The following ARMC8 variants were observed in gnomAD, a reference collection of about 807,000 sequenced individuals.
ARMC8 encodes armadillo repeat containing 8, also known as armadillo repeat-containing protein 8.
Under a neutral mutation model 99.3 loss-of-function variants are expected in ARMC8, and 20 were observed. The observed-to-expected ratio is 0.20, with a 90% CI of 0.14 to 0.29. ARMC8 has a LOEUF of 0.29. Ranked by LOEUF, ARMC8 falls within the 10% of genes least tolerant of loss-of-function variation. The pLI is 1.00. For synonymous variants in ARMC8, 263 were observed against 278.3 expected (o/e 0.95, Z 0.55); for missense variants, 569 against 809.5 (o/e 0.70, Z 3.60).
chr3:138,261,556 T>G (rs1333190936), intron 12 of ARMC8: 1 of 152,154 alleles, frequency 6.6e-6, no homozygotes, highest in East Asian at 1.9e-4. Flanking sequence ...CTGAGTTGGT[T>G]TTTAAGTCAC....
At chr3:138,274,897 C>T (rs907274858) in intron 18 of ARMC8, among the ~76,000 whole-genome samples, 4 of 152,118 alleles carry the variant, frequency 2.6e-5, no homozygotes, top group African/African-American at 4.8e-5. Flanking sequence ...CCCTCTCCGC[C>T]GCCATGCTCT....
intron 12 of ARMC8, chr3:138,246,499 A>T: frequency 1.0e-6 from 1 of 985,664 alleles, no homozygotes; most frequent in Non-Finnish European, 1.2e-6. Flanking sequence ...AGATTTGAAC[A>T]TTTTTAAAAA....
chr3:138,214,034 C>A (rs1159091952), intron 2 of ARMC8, among the ~76,000 whole-genome samples: 2 of 151,936 alleles, frequency 1.3e-5, no homozygotes, highest in African/African-American at 4.8e-5. Context: ...TGCCTGTAGT[C>A]CCCACTACTT....
intron 2 of ARMC8, among the ~76,000 whole-genome samples, chr3:138,213,957 TC>T (rs1184780329): frequency 2.0e-5 from 3 of 151,942 alleles, no homozygotes; most frequent in Non-Finnish European, 4.4e-5. Flanking sequence ...ACCCAGGAGT[TC>T]CAGCTTGGAC....
chr3:138,264,240 G>A, intron 14 of ARMC8, 28 bp downstream of exon 14: 1 of 1,585,950 alleles, frequency 6.3e-7, no homozygotes. Context: ...GCCAGTAACA[G>A]CTGTACTCAC....
intron 1 of ARMC8, among the ~76,000 whole-genome samples, chr3:138,190,933 G>A (rs1046145051): frequency 6.6e-6 from 1 of 152,160 alleles, no homozygotes; most frequent in Non-Finnish European, 1.5e-5. Context: ...TTCAAAACAT[G>A]TCATAGAGGA....
intron 1 of ARMC8, chr3:138,188,457 C>G: frequency 6.2e-7 from 1 of 1,609,118 alleles, no homozygotes; most frequent in Non-Finnish European, 8.5e-7. Flanking sequence ...TGAACCAGGA[C>G]CAGGAATGAA....
chr3:138,201,477 T>TTTTTTTTTC (rs1456840327), intron 1 of ARMC8, among the ~76,000 whole-genome samples: 1 of 101,926 alleles, frequency 9.8e-6, no homozygotes, highest in African/African-American at 4.0e-5. Flanking sequence ...TTTTTTTTTT[T>TTTTTTTTTC]CCTGAGACAG....
chr3:138,276,285 C>G (rs1259220639), intron 18 of ARMC8, among the ~76,000 whole-genome samples: 1 of 152,206 alleles, frequency 6.6e-6, no homozygotes, highest in Admixed American at 6.5e-5. Context: ...AATTGACATA[C>G]AATAAGCTGC....
At chr3:138,281,367 A>G (rs2049911401) in intron 18 of ARMC8, among the ~76,000 whole-genome samples, 1 of 150,390 alleles carries the variant, frequency 6.6e-6, no homozygotes, top group African/African-American at 2.5e-5. Context: ...ATATCGGCTC[A>G]CTGCAACCTT....
chr3:138,238,982 A>G (rs2046472073), intron 9 of ARMC8: 1 of 154,028 alleles, frequency 6.5e-6, no homozygotes, highest in South Asian at 2.0e-4. Flanking sequence ...ACCTCTGAAT[A>G]GTTCATTTCT....
chr3:138,223,499 T>A lies in ARMC8; in HGVS notation c.305T>A (p.Leu102Gln). 1 of 1,614,240 alleles carries A rather than the reference T, an allele frequency of 6.2e-7. No individual in the cohort carries two copies. The highest frequency in any genetic ancestry group is 8.5e-7 in the Non-Finnish European group (1 of 1,180,036). ...MGTENNVKSL[L>Q]DCHIIPALLQ... ...ACTGAAAACAATGTCAAGTCTCTAC[T>A]GGACTGCCATATTATCCCTGCCTTA... is the stretch of plus-strand genomic sequence containing the variant. Residue 102 changes from leucine to glutamine, a missense_variant, in exon 4 of 22, where the codon CTG becomes CAG. This residue lies in a region of ARMC8 where 342 missense variants were observed against 391.6 expected (regional missense o/e 0.87). Coordinates refer to ENST00000469044, the MANE Select transcript of ARMC8 (RefSeq NM_001363941.2).
chr3:138,232,890 C>T (rs1345077326), intron 6 of ARMC8, among the ~76,000 whole-genome samples: 1 of 152,132 alleles, frequency 6.6e-6, no homozygotes, highest in Non-Finnish European at 1.5e-5. Context: ...GAGGCAGCAC[C>T]CTGCCTACTT....
At chr3:138,243,760 T>G (rs2046745864) in intron 11 of ARMC8, among the ~76,000 whole-genome samples, 1 of 152,204 alleles carries the variant, frequency 6.6e-6, no homozygotes, top group Non-Finnish European at 1.5e-5. Context: ...AAAAGTCTCA[T>G]CATTGATCAA....
chr3:138,274,603 T>C (rs1281241808), intron 18 of ARMC8, 59 bp downstream of exon 18: 1 of 1,262,704 alleles, frequency 7.9e-7, no homozygotes, highest in Non-Finnish European at 1.2e-6. Flanking sequence ...AGGAAGTTCT[T>C]AAGAGTCTCC....
intron 12 of ARMC8, among the ~76,000 whole-genome samples, chr3:138,252,762 CA>C (rs2047203784): frequency 1.8e-5 from 1 of 56,000 alleles, no homozygotes; most frequent in African/African-American, 4.9e-5. Flanking sequence ...CCCCCCCCCC[CA>C]CCCGGCCTAA....
chr3:138,240,701 T>C (rs951945870), intron 10 of ARMC8, among the ~76,000 whole-genome samples: 2 of 152,238 alleles, frequency 1.3e-5, no homozygotes, highest in Admixed American at 1.3e-4. Flanking sequence ...GTAAAAGATA[T>C]AATAGGAACT....
At chr3:138,267,115 C>A in intron 14 of ARMC8, 40 bp from the exon 15 acceptor site, 2 of 1,017,500 alleles carry the variant, frequency 2.0e-6, no homozygotes, top group South Asian at 3.2e-5. Flanking sequence ...TCATCTTCAT[C>A]ATTCCAAATC....
chr3:138,263,143 A>T (rs552801138), intron 12 of ARMC8, among the ~76,000 whole-genome samples: 1 of 152,370 alleles, frequency 6.6e-6, no homozygotes, highest in South Asian at 2.1e-4. Flanking sequence ...TTTATTTTGT[A>T]TCTAGACATT....
Sources: allele counts gnomAD v4.1 joint callset (sites outside exome capture counted in the v4.1 genomes callset), GRCh38; gene constraint gnomAD v4.1.1; regional missense constraint gnomAD v4.1.1; transcripts MANE v1.5; gene names NCBI Gene and HGNC (gene_info 2026-07-23, HGNC 2026-07-21).